Variants in CORO1C observed in about 807,000 individuals in gnomAD.
CORO1C encodes the protein coronin-1C.
In CORO1C, 14 loss-of-function variants were observed where a neutral mutation model predicts 51.2. The ratio of observed to expected loss-of-function variants is 0.27; its 90% CI spans 0.18 to 0.43. CORO1C has a LOEUF of 0.43. Ranked by LOEUF, CORO1C falls within the 20% of genes least tolerant of loss-of-function variation. The probability of loss-of-function intolerance (pLI) is 1.00; values close to 1 mark genes in which losing one functional copy is unlikely to be tolerated. For synonymous variants in CORO1C, 181 were observed against 210.5 expected, an observed-to-expected ratio of 0.86 and a Z score of 1.21; for missense variants, 417 against 607.8, an observed-to-expected ratio of 0.69 and a Z score of 3.30.
chr12:108,685,161 T>C, intron 2 of CORO1C, among the ~76,000 whole-genome samples: 1 of 152,200 alleles, frequency 6.6e-6, no homozygotes, highest in East Asian at 1.9e-4. Context: ...ACTTCTTTTT[T>C]GAAGTTAAAA....
intron 6 of CORO1C, 80 bp downstream of exon 6, chr12:108,657,224 C>T: frequency 6.6e-7 from 1 of 1,514,800 alleles, no homozygotes; most frequent in Non-Finnish European, 8.9e-7. Flanking sequence ...ATCCCATAAT[C>T]TACTTACTCA....
At chr12:108,694,787 C>T (rs968224643) in intron 2 of CORO1C, among the ~76,000 whole-genome samples, 8 of 11,766 alleles carry the variant, frequency 6.8e-4, no homozygotes, top group African/African-American at 4.1e-3. Context: ...TATATTTCTA[C>T]GTAGATTTTT....
chr12:108,693,678 C>T (rs935395719), intron 2 of CORO1C, among the ~76,000 whole-genome samples: 1 of 152,172 alleles, frequency 6.6e-6, no homozygotes, highest in Non-Finnish European at 1.5e-5. Flanking sequence ...TCTATTTCTG[C>T]AATACTACAA....
Position 108,662,105 on chromosome 12 carries a change from C to T in CORO1C, c.372G>A (p.Val124=), listed in dbSNP as rs543535814. The T allele has an allele frequency of 6.2e-7, 1 of 1,614,066 alleles. No homozygotes were observed. The highest frequency in any genetic ancestry group is 1.1e-5 in the South Asian group (1 of 91,072). ...CTCTCTTTGAGTGGCCTTCCAAAAT[C>T]ACCACAGGTTCAGTCAGGGAAAGGG... ...GLTLSLTEPV[V]ILEGHSKRVG... The change falls in exon 4 of 11, where the codon GTG becomes GTA. Residue 124 remains valine (V), a synonymous_variant. Coordinates refer to ENST00000261401, the MANE Select transcript of CORO1C (RefSeq NM_014325.4).
chr12:108,700,250 A>G (rs2034824905), intron 2 of CORO1C, among the ~76,000 whole-genome samples: 1 of 152,144 alleles, frequency 6.6e-6, no homozygotes, highest in Non-Finnish European at 1.5e-5. Context: ...TTATCACTGG[A>G]GCTCAGGACT....
At chr12:108,695,650 A>G (rs2034649501) in intron 2 of CORO1C, among the ~76,000 whole-genome samples, 1 of 152,176 alleles carries the variant, frequency 6.6e-6, no homozygotes, top group Admixed American at 6.5e-5. Context: ...ACCACCAAGT[A>G]TCATCATTAG....
intron 3 of CORO1C, among the ~76,000 whole-genome samples, chr12:108,669,016 C>T (rs2033610488): frequency 6.6e-6 from 1 of 152,214 alleles, no homozygotes; most frequent in Non-Finnish European, 1.5e-5. Context: ...GTACAATTTA[C>T]ACAACTGCTG....
At chr12:108,669,534 T>C (rs2033630009) in intron 3 of CORO1C, among the ~76,000 whole-genome samples, 1 of 152,036 alleles carries the variant, frequency 6.6e-6, no homozygotes, top group South Asian at 2.1e-4. Context: ...GACCTGCAAA[T>C]GCTCAGAACT....
intron 1 of CORO1C, among the ~76,000 whole-genome samples, chr12:108,714,978 G>A (rs866861070): frequency 1.3e-5 from 2 of 152,282 alleles, no homozygotes; most frequent in Middle Eastern, 6.8e-3. Context: ...AGCGTAATGT[G>A]ACGCTATGAA....
chr12:108,723,336 A>T (rs2035517897), intron 1 of CORO1C, among the ~76,000 whole-genome samples: 1 of 152,258 alleles, frequency 6.6e-6, no homozygotes, highest in South Asian at 2.1e-4. Context: ...TTAACTAGGA[A>T]AGAATGCTTG....
chr12:108,694,100 A>G lies in CORO1C; in HGVS notation c.195+7024T>C, dbSNP rs952461845. ...AGTTCGAGACCAGCCTGGCCAACACAGTGAAACTCTGTCTCTACTAAAAAT... is the reference window on the plus strand; with the variant it reads ...AGTTCGAGACCAGCCTGGCCAACACGGTGAAACTCTGTCTCTACTAAAAAT... On this transcript the variant is annotated intron_variant, in intron 2 of 10. Transcript: ENST00000261401. Among the ~76,000 whole-genome samples the G allele has an allele frequency of 2.6e-5, 4 of 152,102 alleles. No homozygotes were observed. The East Asian group carries it at 7.7e-4, about 29-fold the overall frequency.
chr12:108,671,825 C>T (rs979819205), intron 3 of CORO1C, among the ~76,000 whole-genome samples: 4 of 152,252 alleles, frequency 2.6e-5, no homozygotes, highest in Admixed American at 6.5e-5. Context: ...TACAGTGGCA[C>T]GATCACGGCT....
chr12:108,661,818 G>A (rs140104353), intron 4 of CORO1C, among the ~76,000 whole-genome samples: 1 of 152,280 alleles, frequency 6.6e-6, no homozygotes, highest in African/African-American at 2.4e-5. Context: ...TCCTCAGGTT[G>A]TCGAAATGGC....
intron 1 of CORO1C, among the ~76,000 whole-genome samples, chr12:108,728,351 A>T (rs575162466): frequency 3.9e-4 from 59 of 152,328 alleles, no homozygotes; most frequent in African/African-American, 1.4e-3. Flanking sequence ...TAAAAAAAAA[A>T]AATGAAGTAC....
At chr12:108,669,690 A>AAGGAGG (rs1592874103) in intron 3 of CORO1C, among the ~76,000 whole-genome samples, 2 of 6,708 alleles carry the variant, frequency 3.0e-4, no homozygotes, top group Admixed American at 2.2e-3. Flanking sequence ...AAAAAAAAAA[A>AAGGAGG]GGCGGGGGGT....
intron 1 of CORO1C, among the ~76,000 whole-genome samples, chr12:108,726,193 G>A (rs565033875): frequency 6.6e-5 from 10 of 152,132 alleles, no homozygotes; most frequent in South Asian, 4.2e-4. Flanking sequence ...CGAGGCGGGC[G>A]GATTATGAGG....
At chr12:108,680,529 G>C (rs2034088652) in intron 2 of CORO1C, among the ~76,000 whole-genome samples, 1 of 152,204 alleles carries the variant, frequency 6.6e-6, no homozygotes, top group Non-Finnish European at 1.5e-5. Flanking sequence ...CCAGAGTGTA[G>C]TCATGGTTCT....
chr12:108,675,350 T>C (rs544418405), intron 3 of CORO1C, among the ~76,000 whole-genome samples: 89 of 152,238 alleles, frequency 5.8e-4, no homozygotes, highest in African/African-American at 2.1e-3. Flanking sequence ...TCAAAGACTA[T>C]GATGGTCATT....
chr12:108,678,249 C>A, intron 3 of CORO1C, 23 bp downstream of exon 3: 1 of 1,600,900 alleles, frequency 6.2e-7, no homozygotes, highest in Non-Finnish European at 8.5e-7. Context: ...GGCCTGTGTG[C>A]ACACAACACC....
Sources: allele counts gnomAD v4.1 joint callset (sites outside exome capture counted in the v4.1 genomes callset), GRCh38; gene constraint gnomAD v4.1.1; transcripts MANE v1.5; gene names NCBI Gene and HGNC (gene_info 2026-07-23, HGNC 2026-07-21).